The following CACNA1C variants were observed in gnomAD, a reference collection of about 807,000 sequenced individuals.
CACNA1C encodes the protein calcium voltage-gated channel subunit alpha1 C, also known as voltage-dependent L-type calcium channel subunit alpha-1C.
In CACNA1C, 30 loss-of-function variants were observed where a neutral mutation model predicts 229.0. The ratio of observed to expected loss-of-function variants is 0.13; its 90% confidence interval spans 0.10 to 0.18. The LOEUF is 0.18. Ranked by LOEUF, CACNA1C falls within the 10% of genes least tolerant of loss-of-function variation. The probability of loss-of-function intolerance (pLI) is 1.00; values close to 1 mark genes in which losing one functional copy is unlikely to be tolerated. For synonymous variants in CACNA1C, 1,114 were observed against 1,132.5 expected (o/e 0.98, Z 0.33); for missense variants, 1,658 against 2,845.0 (o/e 0.58, Z 9.49).
At chr12:2,434,555 A>G (rs970635469) in intron 3 of CACNA1C, among the ~76,000 whole-genome samples, 3 of 152,152 alleles carry the variant, frequency 2.0e-5, no homozygotes, top group African/African-American at 7.2e-5. Context: ...GTCCCACTAC[A>G]CTGGGATGCC....
chr12:2,015,789 T>A (rs2429135), intron 1 of CACNA1C, among the ~76,000 whole-genome samples: 4 of 152,174 alleles, frequency 2.6e-5, no homozygotes, highest in Admixed American at 6.5e-5. Flanking sequence ...TTCAGATCTC[T>A]CTCAGCTAGT....
upstream of CACNA1C, among the ~76,000 whole-genome samples, chr12:2,048,098 T>G (rs1362630859): frequency 6.6e-6 from 1 of 152,234 alleles, no homozygotes. Context: ...AGCCAGCAAT[T>G]CGGTGACAAT....
chr12:2,491,556 G>A (rs911978332), intron 6 of CACNA1C, among the ~76,000 whole-genome samples: 1 of 137,076 alleles, frequency 7.3e-6, no homozygotes, highest in African/African-American at 2.8e-5. Context: ...TGATGACAAT[G>A]AAGAGGAGGA....
chr12:2,658,526 T>C (rs2095537366), intron 34 of CACNA1C, among the ~76,000 whole-genome samples: 1 of 152,198 alleles, frequency 6.6e-6, no homozygotes, highest in South Asian at 2.1e-4. Context: ...TTATGTACAG[T>C]ACATAATATT....
intron 3 of CACNA1C, among the ~76,000 whole-genome samples, chr12:2,365,812 C>T (rs1423941686): frequency 6.6e-6 from 1 of 152,070 alleles, no homozygotes; most frequent in South Asian, 2.1e-4. Context: ...AATCAAGGGG[C>T]GCTAAAGAGC....
At chr12:2,619,448 G>A (rs1602335200) in intron 29 of CACNA1C, among the ~76,000 whole-genome samples, 1 of 152,102 alleles carries the variant, frequency 6.6e-6, no homozygotes, top group African/African-American at 2.4e-5. Flanking sequence ...TGCAATATTG[G>A]TATTCTGTCG....
chr12:2,247,120 A>T (rs776987421), intron 3 of CACNA1C, among the ~76,000 whole-genome samples: 3 of 152,116 alleles, frequency 2.0e-5, no homozygotes, highest in African/African-American at 4.8e-5. Context: ...TCATTCTGGA[A>T]TTTTTTTCCA....
chr12:2,615,954 G>T (rs1270983887), intron 29 of CACNA1C, among the ~76,000 whole-genome samples: 5 of 152,164 alleles, frequency 3.3e-5, no homozygotes, highest in Non-Finnish European at 7.4e-5. Context: ...CTCCACACAG[G>T]CTCCACCTGG....
chr12:2,549,972 G>A lies in CACNA1C; in HGVS notation c.1420G>A (p.Val474Ile), dbSNP rs765581751. The change falls in exon 10 of 47, where the codon GTC (valine) becomes ATC (isoleucine). Residue 474 changes from valine to isoleucine, a missense_variant. Transcript: ENST00000399655. ...CATGCCCACCAGTGAGACCGAGTCC[G>A]TCAACACCGAAAACGTGGCTGGAGG... ...MSMPTSETESVNTENVAGGDI... is the reference protein window; with the variant it reads ...MSMPTSETESINTENVAGGDI... The A allele has an allele frequency of 1.4e-5, 22 of 1,606,958 alleles. No individual in the cohort carries two copies. The highest frequency in any genetic ancestry group is 4.0e-5 in the African/African-American group (3 of 74,790).
At chr12:2,274,975 C>G (rs2087064213) in intron 3 of CACNA1C, among the ~76,000 whole-genome samples, 1 of 152,178 alleles carries the variant, frequency 6.6e-6, no homozygotes, top group South Asian at 2.1e-4. Flanking sequence ...CTGGCCTGCC[C>G]TGCACAAACC....
intron 3 of CACNA1C, among the ~76,000 whole-genome samples, chr12:2,389,318 G>A (rs910569446): frequency 6.6e-6 from 1 of 152,142 alleles, no homozygotes; most frequent in Non-Finnish European, 1.5e-5. Context: ...AGAGGTCAGA[G>A]CACACTGTGC....
At position 2,605,110 on chromosome 12, in the gene CACNA1C, T is replaced by C; in HGVS notation, c.2990T>C (p.Leu997Ser). ...AGTGCAATCAATGTCGTGAAGATCT[T>C]GCGAGTCCTGCGAGTACTCAGGCCC... ...QSSAINVVKI[L>S]RVLRVLRPLR... The change falls in exon 23 of 47, where the codon TTG becomes TCG. Residue 997 changes from leucine to serine, a missense_variant. This residue lies in a region of CACNA1C where 39 missense variants were observed against 143.3 expected (regional missense o/e 0.27). Coordinates refer to ENST00000399655, the MANE Select transcript of CACNA1C (RefSeq NM_000719.7). The surrounding 1 kb of genome is among the most constrained non-coding windows in gnomAD (Gnocchi z 6.2). 1 of 1,613,648 alleles carries C rather than the reference T, an allele frequency of 6.2e-7. No homozygotes were observed. Among genetic ancestry groups the C allele is most frequent in the Non-Finnish European group, 8.5e-7 (1 of 1,179,728 alleles).
intron 3 of CACNA1C, among the ~76,000 whole-genome samples, chr12:2,398,723 G>A (rs1329643766): frequency 6.6e-6 from 1 of 152,210 alleles, no homozygotes; most frequent in East Asian, 1.9e-4. Context: ...CCAGGGGAGA[G>A]GATGTGTGGG....
At chr12:2,385,198 A>G (rs950163953) in intron 3 of CACNA1C, among the ~76,000 whole-genome samples, 2 of 152,190 alleles carry the variant, frequency 1.3e-5, no homozygotes, top group African/African-American at 4.8e-5. Flanking sequence ...ATGGAATCAG[A>G]GTCTCCATGC....
intron 3 of CACNA1C, among the ~76,000 whole-genome samples, chr12:2,366,643 A>AC (rs1228985060): frequency 2.6e-5 from 4 of 152,240 alleles, no homozygotes; most frequent in Non-Finnish European, 5.9e-5. Context: ...AAGATAAAAC[A>AC]AAAGTATACT....
chr12:2,501,654 C>G (rs1368322472), intron 7 of CACNA1C, among the ~76,000 whole-genome samples: 1 of 152,254 alleles, frequency 6.6e-6, no homozygotes, highest in Non-Finnish European at 1.5e-5. Flanking sequence ...CCTTTCTCTC[C>G]CTAATCTCAT....
In CACNA1C at chr12:2,682,421, CGT is replaced by C. The variant is rs58613925; in HGVS notation, c.5445-121_5445-120del. 16 of 1,080,920 alleles carry C rather than the reference CGT, an allele frequency of 1.5e-5. No homozygotes were observed. In the East Asian group the frequency reaches 1.6e-4, roughly 10 times the overall value. 67.0% of individuals were successfully genotyped at this position (1,080,920 alleles called of 1,614,324 possible). A position where few individuals can be genotyped will look rare whatever the true frequency, so the allele number is the denominator to read the frequency against. ...GCACCAGCAACTGTATGCCTGTTCA[CGT>C]GTGTGTGCTTGTGTTTGTGCACGTG... On this transcript the variant is annotated intron_variant, in intron 42 of 46. Transcript: ENST00000399655.
At chr12:1,989,972 G>A (rs1386527902) in intron 1 of CACNA1C, among the ~76,000 whole-genome samples, 1 of 152,096 alleles carries the variant, frequency 6.6e-6, no homozygotes, top group Non-Finnish European at 1.5e-5. Flanking sequence ...AAAAAAACTT[G>A]CTTTTTAAAC....
rs560083740 is a variant in CACNA1C at position 2,248,933 on chromosome 12, A to C, written c.477+128503A>C. Among the ~76,000 whole-genome samples the C allele has an allele frequency of 2.6e-5, 4 of 152,332 alleles. No homozygotes were observed. In the East Asian group the frequency reaches 7.7e-4, roughly 29 times the overall value. On this transcript the variant is annotated intron_variant, in intron 3 of 46. Coordinates refer to ENST00000399655, the MANE Select transcript of CACNA1C (RefSeq NM_000719.7). The stretch of plus-strand genomic sequence containing the variant: ...CTCACAGAGCTGCTATGAAGGTTGC[A>C]TCTGGGAAGCACCTGGCACCGTGCC...
Sources: gnomAD v4.1 joint callset for allele counts (sites outside exome capture counted in the v4.1 genomes callset) on GRCh38, gnomAD v4.1.1 for gene constraint, gnomAD v4.1.1 regional missense constraint, Gnocchi (gnomAD v3.1) non-coding constraint, MANE v1.5 for transcripts, NCBI Gene and HGNC (gene_info 2026-07-23, HGNC 2026-07-21) for gene names.